The following BAZ2B variants were observed in gnomAD, a reference collection of about 807,000 sequenced individuals.
The protein encoded by BAZ2B is bromodomain adjacent to zinc finger domain 2B.
In BAZ2B, 91 loss-of-function variants were observed where a neutral mutation model predicts 246.0. The observed-to-expected ratio is 0.37, with a 90% CI of 0.31 to 0.44. BAZ2B has a LOEUF of 0.44. Among genes scored for constraint, BAZ2B ranks in the 20% least tolerant of loss-of-function variants. BAZ2B has a pLI of 1.00. For missense variants in BAZ2B, 2,332 were observed against 2,533.7 expected, an observed-to-expected ratio of 0.92 and a Z score of 1.71; for synonymous variants, 855 against 860.0, an observed-to-expected ratio of 0.99 and a Z score of 0.10.
chr2:159,697,533 A>AT, the BAZ2B span, among the ~76,000 whole-genome samples: 1 of 152,162 alleles, frequency 6.6e-6, no homozygotes, highest in Non-Finnish European at 1.5e-5. Context: ...TAGGACAATC[A>AT]TTTTTATATT....
chr2:159,362,644 C>A (rs771410521), intron 27 of BAZ2B, among the ~76,000 whole-genome samples: 4 of 152,268 alleles, frequency 2.6e-5, no homozygotes, highest in Non-Finnish European at 5.9e-5. Flanking sequence ...TCATGGCTTT[C>A]TGAAAGAGGA....
At chr2:159,644,171 ATTC>A in the BAZ2B span, among the ~76,000 whole-genome samples, 9 of 152,332 alleles carry the variant, frequency 5.9e-5, no homozygotes, top group East Asian at 9.6e-4. Context: ...TTGAGGAAAA[ATTC>A]TTCTTCAGCT....
intron 13 of BAZ2B, among the ~76,000 whole-genome samples, chr2:159,426,506 T>C (rs1163170226): frequency 6.6e-6 from 1 of 152,132 alleles, no homozygotes; most frequent in Non-Finnish European, 1.5e-5. Flanking sequence ...TCTAAGAATC[T>C]GGTGACAGAT....
At chr2:159,570,570 A>G (rs1029677964) in intron 1 of BAZ2B, among the ~76,000 whole-genome samples, 1 of 152,186 alleles carries the variant, frequency 6.6e-6, no homozygotes, top group Admixed American at 6.5e-5. Context: ...AATCTTTCCT[A>G]TATATCACCC....
At chr2:159,588,329 T>G (rs1688534516) in intron 1 of BAZ2B, among the ~76,000 whole-genome samples, 1 of 151,876 alleles carries the variant, frequency 6.6e-6, no homozygotes, top group Non-Finnish European at 1.5e-5. Context: ...ATAAGATATA[T>G]TTATGAATTA....
the BAZ2B span, among the ~76,000 whole-genome samples, chr2:159,634,668 T>C: frequency 6.6e-6 from 1 of 152,182 alleles, no homozygotes; most frequent in Non-Finnish European, 1.5e-5. Context: ...AGGAGTGCAA[T>C]ACTGAATGAT....
chr2:159,461,112 A>C (rs1189356967), intron 3 of BAZ2B: 2 of 152,534 alleles, frequency 1.3e-5, no homozygotes, highest in African/African-American at 4.8e-5. Context: ...CTGAGCAAAA[A>C]CAGAACTGAA....
chr2:159,348,928 A>C, intron 29 of BAZ2B, 79 bp downstream of exon 29: 1 of 1,555,846 alleles, frequency 6.4e-7, no homozygotes, highest in African/African-American at 1.4e-5. Context: ...ATATAGAACC[A>C]TCAAATATTC....
At chr2:159,646,390 C>A in the BAZ2B span, among the ~76,000 whole-genome samples, 171 of 152,230 alleles carry the variant, frequency 1.1e-3, 4 homozygotes, top group Non-Finnish European at 2.2e-4. Flanking sequence ...TGTTCAAACA[C>A]ACATGCTCTA....
In BAZ2B at chr2:159,347,515, T is replaced by C. The variant is rs781094503; in HGVS notation, c.5425A>G (p.Arg1809Gly). The change falls in exon 31 of 37, where the codon AGA becomes GGA. Residue 1809 changes from arginine (R) to glycine (G), a missense_variant. Physicochemically the swap from Arg to Gly is moderately radical, Grantham distance 125. Transcript: ENST00000392783. ...VLQQVEDLER[R>G]VASASLQVKG... ...ACTTGCAAACTTGCTGATGCAACTC[T>C]CCTTTCTAGATCTTCTACCTGTTGA... is the stretch of plus-strand genomic sequence containing the variant. The C allele has an allele frequency of 6.2e-7, 1 of 1,613,936 alleles. No individual in the cohort carries two copies. Among genetic ancestry groups the C allele is most frequent in the South Asian group, 1.1e-5 (1 of 91,080 alleles).
chr2:159,514,748 C>T (rs10164532), intron 2 of BAZ2B, among the ~76,000 whole-genome samples: 10,953 of 152,136 alleles, frequency 0.072, 757 homozygotes, highest in African/African-American at 0.18. Context: ...GTACCTCCAC[C>T]TCATGTGATT....
chr2:159,404,908 T>C lies in BAZ2B; in HGVS notation c.2773A>G (p.Ile925Val). The change falls in exon 16 of 37, where the codon ATA becomes GTA. Residue 925 changes from isoleucine to valine, a missense_variant and splice_region_variant. By Grantham distance (29) the Ile-to-Val change is conservative (BLOSUM62 3). This residue lies in a region of BAZ2B where 651 missense variants were observed against 650.9 expected (regional missense o/e 1.00). Transcript: ENST00000392783. ...TTCCGCTTCTCCTCAGCAGCCATTATTGCTACAAGAAACCAAAGGATAGAT... is the reference window on the plus strand; with the variant it reads ...TTCCGCTTCTCCTCAGCAGCCATTACTGCTACAAGAAACCAAAGGATAGAT... ...VAKEAKKQQAIMAAEEKRKQK... is the reference protein window; with the variant it reads ...VAKEAKKQQAVMAAEEKRKQK... 1 of 1,613,664 alleles carries C rather than the reference T, an allele frequency of 6.2e-7. No individual in the cohort carries two copies. Among genetic ancestry groups the C allele is most frequent in the Non-Finnish European group, 8.5e-7 (1 of 1,179,950 alleles).
intron 25 of BAZ2B, among the ~76,000 whole-genome samples, chr2:159,379,269 G>T (rs1447820261): frequency 6.6e-6 from 1 of 152,132 alleles, no homozygotes; most frequent in Non-Finnish European, 1.5e-5. Flanking sequence ...CCAATTATAT[G>T]AGGTATCTAA....
At chr2:159,555,922 A>G (rs959162835) in intron 1 of BAZ2B, 57 bp from the exon 2 acceptor site, 5 of 152,230 alleles carry the variant, frequency 3.3e-5, no homozygotes, top group African/African-American at 1.2e-4. Flanking sequence ...GAAATTTCAG[A>G]AACTAAAAAG....
At chr2:159,553,392 C>CAAAAAAAAAAAAAAAAAAAAAA (rs35253250) in intron 2 of BAZ2B, among the ~76,000 whole-genome samples, 1 of 73,810 alleles carries the variant, frequency 1.4e-5, no homozygotes, top group African/African-American at 5.4e-5. Flanking sequence ...GACTCTGTCT[C>CAAAAAAAAAAAAAAAAAAAAAA]AAAAAAAAAA....
At chr2:159,439,912 A>T (rs2073073404) in intron 6 of BAZ2B, among the ~76,000 whole-genome samples, 1 of 152,202 alleles carries the variant, frequency 6.6e-6, no homozygotes, top group Non-Finnish European at 1.5e-5. Context: ...TTTTTGGAAC[A>T]TTTAAGACTC....
chr2:159,354,716 T>G, intron 27 of BAZ2B, among the ~76,000 whole-genome samples: 1 of 152,210 alleles, frequency 6.6e-6, no homozygotes, highest in Admixed American at 6.5e-5. Flanking sequence ...TTCTTTAATT[T>G]TAAATTGTTT....
At chr2:159,601,451 G>A (rs1035078800) in intron 1 of BAZ2B, among the ~76,000 whole-genome samples, 8 of 149,526 alleles carry the variant, frequency 5.4e-5, no homozygotes, top group African/African-American at 1.5e-4. Flanking sequence ...GGCTGGGTGC[G>A]GTGGCTCACG....
intron 13 of BAZ2B, among the ~76,000 whole-genome samples, chr2:159,415,954 T>C (rs1323541143): frequency 6.6e-6 from 1 of 152,188 alleles, no homozygotes; most frequent in Admixed American, 6.5e-5. Context: ...TTGAGGAAAT[T>C]CAGGCTGAGT....
Sources: gnomAD v4.1 joint callset for allele counts (sites outside exome capture counted in the v4.1 genomes callset) on GRCh38, gnomAD v4.1.1 for gene constraint, gnomAD v4.1.1 regional missense constraint, MANE v1.5 for transcripts, NCBI Gene and HGNC (gene_info 2026-07-23, HGNC 2026-07-21) for gene names.